RAB10: variants seen among roughly 807,000 people sequenced by gnomAD.
RAB10 encodes RAB10, member RAS oncogene family, also known as ras-related protein Rab-10.
In RAB10, 5 loss-of-function variants were observed where a neutral mutation model predicts 25.7. That is an observed-to-expected ratio of 0.19 (90% CI 0.10 to 0.41). RAB10 has a LOEUF of 0.41. Ranked by LOEUF, RAB10 falls within the 10% of genes least tolerant of loss-of-function variation. The pLI is 1.00. For missense variants in RAB10, 103 were observed against 245.8 expected (o/e 0.42, Z 3.89); for synonymous variants, 89 against 86.4 (o/e 1.03, Z -0.16).
intron 1 of RAB10, among the ~76,000 whole-genome samples, chr2:26,060,896 T>A (rs903778491): frequency 2.0e-5 from 3 of 152,138 alleles, no homozygotes; most frequent in African/African-American, 7.2e-5. Context: ...GAGCTTCCAT[T>A]TTGCTACTTG....
chr2:26,082,273 G>A (rs146325684), intron 1 of RAB10, among the ~76,000 whole-genome samples: 1,575 of 152,128 alleles, frequency 0.01, 9 homozygotes, highest in Non-Finnish European at 0.017. Context: ...GAGGTAGATG[G>A]TTCTAGTTAC....
At chr2:26,079,639 C>G (rs1234915552) in intron 1 of RAB10, among the ~76,000 whole-genome samples, 1 of 143,066 alleles carries the variant, frequency 7.0e-6, no homozygotes, top group East Asian at 2.0e-4. Context: ...TCCTCCATCC[C>G]TCCTCCCTTT....
chr2:26,053,315 A>G (rs1259563908), intron 1 of RAB10, among the ~76,000 whole-genome samples: 2 of 152,206 alleles, frequency 1.3e-5, no homozygotes, highest in South Asian at 2.1e-4. Flanking sequence ...TTCCACCACT[A>G]TCCAGATCAG....
At chr2:26,045,332 C>T (rs1168807809) in intron 1 of RAB10, among the ~76,000 whole-genome samples, 10 of 151,944 alleles carry the variant, frequency 6.6e-5, no homozygotes, top group South Asian at 2.1e-4. Flanking sequence ...CTCCGCCTCC[C>T]GGGTTCACGC....
At position 26,081,485 on chromosome 2, in the gene RAB10, T is replaced by C. The variant is rs145165179; in HGVS notation, c.128-17177T>C. On this transcript the variant is annotated intron_variant, in intron 1 of 5. Coordinates refer to ENST00000264710, the MANE Select transcript of RAB10 (RefSeq NM_016131.5). ...GGAAAGACTGAGGGACTGTCTTAAGTTGGAGGAGACTAAGGAGACATACAG... is the reference window on the plus strand; with the variant it reads ...GGAAAGACTGAGGGACTGTCTTAAGCTGGAGGAGACTAAGGAGACATACAG... Among the ~76,000 whole-genome samples the C allele has an allele frequency of 3.8e-3, 571 of 152,262 alleles. 4 individuals carry two copies. Among genetic ancestry groups the C allele is most frequent in the African/African-American group, 0.013 (545 of 41,546 alleles).
intron 1 of RAB10, among the ~76,000 whole-genome samples, chr2:26,047,433 T>C (rs6735145): frequency 0.77 from 116,112 of 150,648 alleles, 44,742 homozygotes; most frequent in East Asian, 0.87. Context: ...GTTTTTTTAT[T>C]GAGACAGAGT....
At chr2:26,090,999 A>T (rs925197571) in intron 1 of RAB10, among the ~76,000 whole-genome samples, 26 of 152,028 alleles carry the variant, frequency 1.7e-4, no homozygotes, top group Admixed American at 1.6e-3. Flanking sequence ...GGCGCTAAAA[A>T]GCTGATGGAA....
intron 5 of RAB10, among the ~76,000 whole-genome samples, chr2:26,133,525 T>A (rs1350037101): frequency 6.6e-6 from 1 of 152,208 alleles, no homozygotes; most frequent in Non-Finnish European, 1.5e-5. Context: ...GATCTGGTAG[T>A]TTGACAATAT....
intron 5 of RAB10, among the ~76,000 whole-genome samples, chr2:26,129,077 C>T (rs1283809204): frequency 6.6e-6 from 1 of 152,054 alleles, no homozygotes; most frequent in African/African-American, 2.4e-5. Flanking sequence ...TGAGACCATC[C>T]TGGCCAACAC....
At chr2:26,125,759 A>G (rs1397814841) in intron 3 of RAB10, among the ~76,000 whole-genome samples, 2 of 151,922 alleles carry the variant, frequency 1.3e-5, no homozygotes, top group African/African-American at 2.4e-5. Context: ...TTTTTTATAT[A>G]TTCTAGGTAT....
rs1428161410 is a variant in RAB10 at position 26,135,895 on chromosome 2, T to G, written c.*874T>G. Reference sequence around the variant, plus strand: ...TGTCAAGTTTAATATAAAGCACTGATGTAACTTGCTAGGTAAACGGAAAGA... The same window carrying G: ...TGTCAAGTTTAATATAAAGCACTGAGGTAACTTGCTAGGTAAACGGAAAGA... On this transcript the variant is annotated 3_prime_UTR_variant, in exon 6 of 6. Transcript: ENST00000264710. 6.6e-6 allele frequency: 1 copy of G among 152,634 alleles called. No individual in the cohort carries two copies. The highest frequency in any genetic ancestry group is 2.4e-5 in the African/African-American group (1 of 41,466). The allele number at this position is 152,634 out of a possible 1,614,324, so 9.5% of individuals were successfully genotyped here. A position where few individuals can be genotyped will look rare whatever the true frequency, so the allele number is the denominator to read the frequency against.
At chr2:26,094,335 T>G (rs559508601) in intron 1 of RAB10, among the ~76,000 whole-genome samples, 2 of 152,138 alleles carry the variant, frequency 1.3e-5, no homozygotes, top group Admixed American at 6.5e-5. Context: ...CACTGCAACC[T>G]CCACCTCCCG....
At chr2:26,130,066 A>G (rs1467912589) in intron 5 of RAB10, among the ~76,000 whole-genome samples, 1 of 152,142 alleles carries the variant, frequency 6.6e-6, no homozygotes, top group Non-Finnish European at 1.5e-5. Context: ...GGTAAGGGGG[A>G]CGGATCATAG....
chr2:26,135,163 C>T lies in RAB10; in HGVS notation c.*142C>T. The stretch of plus-strand genomic sequence containing the variant: ...ATCCAAGCCACCTATTTTATTTGTT[C>T]TTTCATCTGTGACTGCTTGCTGACT... On this transcript the variant is annotated 3_prime_UTR_variant, in exon 6 of 6. Transcript: ENST00000264710. The T allele has an allele frequency of 1.7e-6, 1 of 583,864 alleles. No homozygotes were observed. Among genetic ancestry groups the T allele is most frequent in the Non-Finnish European group, 2.8e-6 (1 of 353,282 alleles). 36.2% of individuals were successfully genotyped at this position (583,864 alleles called of 1,614,324 possible).
chr2:26,044,009 G>A (rs926686482), intron 1 of RAB10, among the ~76,000 whole-genome samples: 2 of 152,084 alleles, frequency 1.3e-5, no homozygotes, highest in African/African-American at 2.4e-5. Context: ...ATAGGAAGGT[G>A]TTTAATGAGT....
intron 1 of RAB10, among the ~76,000 whole-genome samples, chr2:26,073,346 A>G (rs1055291850): frequency 6.6e-6 from 1 of 152,222 alleles, no homozygotes; most frequent in Non-Finnish European, 1.5e-5. Flanking sequence ...CTGAGCTGCT[A>G]GAGGTATCCC....
intron 1 of RAB10, among the ~76,000 whole-genome samples, chr2:26,042,117 A>AAGCATAG (rs2149261364): frequency 6.6e-6 from 1 of 152,200 alleles, no homozygotes; most frequent in South Asian, 2.1e-4. Context: ...TCTATACTGG[A>AAGCATAG]TGTGCTACCT....
intron 2 of RAB10, among the ~76,000 whole-genome samples, chr2:26,100,601 G>A (rs1667321296): frequency 6.6e-6 from 1 of 152,160 alleles, no homozygotes; most frequent in Admixed American, 6.5e-5. Context: ...TTTGGTCTGG[G>A]CACTGACAAA....
chr2:26,093,083 T>C (rs970362661), intron 1 of RAB10, among the ~76,000 whole-genome samples: 4 of 152,134 alleles, frequency 2.6e-5, no homozygotes, highest in Non-Finnish European at 5.9e-5. Flanking sequence ...TTGTTGAAGG[T>C]TGGTGTTAAA....
Sources: gnomAD v4.1 joint callset for allele counts (sites outside exome capture counted in the v4.1 genomes callset) on GRCh38, gnomAD v4.1.1 for gene constraint, MANE v1.5 for transcripts, NCBI Gene and HGNC (gene_info 2026-07-23, HGNC 2026-07-21) for gene names.